The following MAGI2 variants were observed in gnomAD, a reference collection of about 807,000 sequenced individuals.
MAGI2 encodes membrane-associated guanylate kinase, WW and PDZ domain-containing protein 2.
In MAGI2, 35 loss-of-function variants were observed where a neutral mutation model predicts 133.3. The ratio of observed to expected loss-of-function variants is 0.26; its 90% confidence interval spans 0.20 to 0.35. MAGI2 has a LOEUF of 0.35. Ranked by LOEUF, MAGI2 falls within the 10% of genes least tolerant of loss-of-function variation. The probability of loss-of-function intolerance (pLI) is 1.00; values close to 1 mark genes in which losing one functional copy is unlikely to be tolerated. For synonymous variants in MAGI2, 729 were observed against 710.6 expected, an observed-to-expected ratio of 1.03 and a Z score of -0.41; for missense variants, 1,636 against 1,863.4, an observed-to-expected ratio of 0.88 and a Z score of 2.25.
chr7:78,467,404 T>C (rs1250318084), intron 6 of MAGI2, among the ~76,000 whole-genome samples: 3 of 152,042 alleles, frequency 2.0e-5, no homozygotes, highest in African/African-American at 7.2e-5. Context: ...CTAATTGATA[T>C]GCTTCAGACA....
At chr7:78,255,784 A>G (rs1393064960) in intron 10 of MAGI2, 159 bp downstream of exon 10, 2 of 748,110 alleles carry the variant, frequency 2.7e-6, no homozygotes, top group Non-Finnish European at 4.4e-6. Context: ...TCAAAAACAA[A>G]GTTTCCTTTA....
intron 2 of MAGI2, among the ~76,000 whole-genome samples, chr7:78,778,250 G>A (rs1019515850): frequency 6.6e-6 from 1 of 152,088 alleles, no homozygotes; most frequent in Non-Finnish European, 1.5e-5. Context: ...GCTGAACCTG[G>A]ACAAAATTTT....
chr7:78,868,170 G>A (rs1794738150), intron 2 of MAGI2, among the ~76,000 whole-genome samples: 1 of 151,874 alleles, frequency 6.6e-6, no homozygotes, highest in Admixed American at 6.6e-5. Context: ...TGCATAATAT[G>A]TTAAAACTAT....
intron 11 of MAGI2, among the ~76,000 whole-genome samples, chr7:78,200,290 T>C (rs1161857904): frequency 2.0e-5 from 3 of 152,204 alleles, no homozygotes; most frequent in African/African-American, 7.2e-5. Flanking sequence ...GTCCCAGCTC[T>C]TGGGACTTGG....
intron 10 of MAGI2, among the ~76,000 whole-genome samples, chr7:78,228,267 T>A (rs866273885): frequency 3.3e-5 from 5 of 152,238 alleles, no homozygotes; most frequent in Non-Finnish European, 4.4e-5. Flanking sequence ...CTGACCTAGA[T>A]CACTGTTTCC....
At chr7:78,459,255 T>C (rs1789697812) in intron 6 of MAGI2, among the ~76,000 whole-genome samples, 1 of 152,236 alleles carries the variant, frequency 6.6e-6, no homozygotes, top group Non-Finnish European at 1.5e-5. Flanking sequence ...AGTTGCATAA[T>C]AATCTGCAGT....
intron 6 of MAGI2, among the ~76,000 whole-genome samples, chr7:78,392,192 T>C (rs1795955780): frequency 1.3e-5 from 2 of 152,174 alleles, no homozygotes; most frequent in Non-Finnish European, 1.5e-5. Context: ...TATTTATGCA[T>C]GAAGGTGCAG....
At chr7:78,673,537 T>C (rs1440112320) in intron 2 of MAGI2, among the ~76,000 whole-genome samples, 1 of 151,930 alleles carries the variant, frequency 6.6e-6, no homozygotes, top group East Asian at 1.9e-4. Flanking sequence ...GAGGAACCAA[T>C]GTTTCAGCTT....
intron 2 of MAGI2, among the ~76,000 whole-genome samples, chr7:78,802,260 C>A (rs1347112600): frequency 1.3e-5 from 2 of 152,136 alleles, no homozygotes; most frequent in Non-Finnish European, 2.9e-5. Flanking sequence ...CCACTGAACA[C>A]AATTTATAAC....
chr7:78,745,509 T>A (rs1360604414), intron 2 of MAGI2, among the ~76,000 whole-genome samples: 1 of 152,066 alleles, frequency 6.6e-6, no homozygotes, highest in Non-Finnish European at 1.5e-5. Context: ...TTTCTAATAA[T>A]TGAAATATAG....
chr7:78,542,732 A>C (rs551117768), intron 3 of MAGI2, among the ~76,000 whole-genome samples: 2 of 152,326 alleles, frequency 1.3e-5, no homozygotes, highest in East Asian at 3.9e-4. Flanking sequence ...GAGGGGCAGC[A>C]TTTGAGCCTG....
In MAGI2 at chr7:79,320,718, T is replaced by A. The variant is rs1839117803; in HGVS notation, c.301+132302A>T. Among the ~76,000 whole-genome samples, 5 of 152,152 alleles carry A rather than the reference T, an allele frequency of 3.3e-5. No homozygotes were observed. The South Asian group carries it at 1.0e-3, about 31-fold the overall frequency. Reference sequence around the variant, plus strand: ...CTTGGATCTATTGCTTTATTTATTCTTTATTTTTTTAATTTCAAATGTTGC... The same window carrying A: ...CTTGGATCTATTGCTTTATTTATTCATTATTTTTTTAATTTCAAATGTTGC... On this transcript the variant is annotated intron_variant, in intron 1 of 21. Transcript: ENST00000354212.
chr7:79,346,374 G>A (rs1292517568), intron 1 of MAGI2, among the ~76,000 whole-genome samples: 2 of 151,920 alleles, frequency 1.3e-5, no homozygotes, highest in African/African-American at 2.4e-5. Context: ...TAAAATTTAC[G>A]ATGAAAGTAC....
intron 20 of MAGI2, among the ~76,000 whole-genome samples, chr7:78,124,249 C>G (rs1259639924): frequency 1.3e-5 from 2 of 152,132 alleles, no homozygotes; most frequent in Non-Finnish European, 2.9e-5. Context: ...GTCCTTCTGG[C>G]TTATAGGGAA....
chr7:78,748,455 A>C (rs1190864149), intron 2 of MAGI2, among the ~76,000 whole-genome samples: 1 of 152,238 alleles, frequency 6.6e-6, no homozygotes, highest in Non-Finnish European at 1.5e-5. Flanking sequence ...TATCGCTCCC[A>C]ATTCTGTTTA....
intron 10 of MAGI2, among the ~76,000 whole-genome samples, chr7:78,231,971 G>A (rs1226978929): frequency 6.6e-6 from 1 of 151,860 alleles, no homozygotes; most frequent in Non-Finnish European, 1.5e-5. Flanking sequence ...AATGACCCTG[G>A]GTAGTTACAA....
intron 9 of MAGI2, among the ~76,000 whole-genome samples, chr7:78,293,698 A>G (rs1158636599): frequency 2.0e-5 from 3 of 152,208 alleles, no homozygotes; most frequent in South Asian, 2.1e-4. Flanking sequence ...ATGTCCATCA[A>G]TGATAGACTG....
At position 78,721,498 on chromosome 7, in the gene MAGI2, A is replaced by G. The variant is rs111485920; in HGVS notation, c.419-94259T>C. On this transcript the variant is annotated intron_variant, in intron 2 of 21. Coordinates refer to ENST00000354212, the MANE Select transcript of MAGI2 (RefSeq NM_012301.4). ...ATACTTTAGAAAGCAGAGAATAGAT[A>G]TCCCCTTATCACAGAGGCAGGTCCC... is the stretch of plus-strand genomic sequence containing the variant. 9.6e-3 allele frequency among the ~76,000 whole-genome samples: 1,459 copies of G among 152,160 alleles called. 22 individuals carry two copies. The highest frequency in any genetic ancestry group is 0.034 in the African/African-American group (1,400 of 41,554).
intron 21 of MAGI2, 149 bp from the exon 22 acceptor site, chr7:78,020,125 C>CCT: frequency 1.4e-6 from 1 of 704,512 alleles, no homozygotes; most frequent in Non-Finnish European, 2.2e-6. Context: ...ACCCTCACTG[C>CCT]CGAGAGGGCA....
Sources: gnomAD v4.1 joint callset for allele counts (sites outside exome capture counted in the v4.1 genomes callset) on GRCh38, gnomAD v4.1.1 for gene constraint, MANE v1.5 for transcripts, NCBI Gene and HGNC (gene_info 2026-07-23, HGNC 2026-07-21) for gene names.